Variants in CCT8 observed in about 807,000 individuals in gnomAD.
CCT8 encodes the protein T-complex protein 1 subunit theta.
CCT8 carries 10 observed loss-of-function variants against 65.7 expected under a neutral mutation model. The observed-to-expected ratio is 0.15, with a 90% CI of 0.09 to 0.26. The LOEUF (loss-of-function observed/expected upper bound fraction) is 0.26. Among genes scored for constraint, CCT8 ranks in the 10% least tolerant of loss-of-function variants. CCT8 has a pLI of 1.00. For synonymous variants in CCT8, 199 were observed against 221.8 expected, an observed-to-expected ratio of 0.90 and a Z score of 0.92; for missense variants, 568 against 669.1, an observed-to-expected ratio of 0.85 and a Z score of 1.67.
chr21:29,071,585 G>A (rs2085680879), intron 1 of CCT8, among the ~76,000 whole-genome samples: 1 of 151,840 alleles, frequency 6.6e-6, no homozygotes, highest in South Asian at 2.1e-4. Flanking sequence ...TTTGAGAGGC[G>A]GAGTTTCACC....
chr21:29,064,917 A>C (rs762175370), intron 7 of CCT8, 51 bp downstream of exon 7: 2 of 1,557,434 alleles, frequency 1.3e-6, no homozygotes, highest in Admixed American at 3.4e-5. Flanking sequence ...AACTCAAACA[A>C]TCTGAAAGTG....
chr21:29,068,933 C>A (rs1568915250), intron 3 of CCT8, among the ~76,000 whole-genome samples: 1 of 152,310 alleles, frequency 6.6e-6, no homozygotes, highest in East Asian at 1.9e-4. Context: ...GCTCTCTCTG[C>A]CTGTTCAGGT....
Position 29,061,480 on chromosome 21 carries a change from A to G in CCT8, c.1284+16T>C, listed in dbSNP as rs1485773859. 1 of 1,613,722 alleles carries G rather than the reference A, an allele frequency of 6.2e-7. No homozygotes were observed. The highest frequency in any genetic ancestry group is 8.5e-7 in the Non-Finnish European group (1 of 1,179,784). Reference sequence around the variant, plus strand: ...AGCAATGGAAAGAAAGTCAATTTATACAGAAAAAGCTGTACCTCTCCATAT... The same window carrying G: ...AGCAATGGAAAGAAAGTCAATTTATGCAGAAAAAGCTGTACCTCTCCATAT... On this transcript the variant is annotated intron_variant, in intron 12 of 14. Transcript: ENST00000286788.
intron 7 of CCT8, among the ~76,000 whole-genome samples, chr21:29,063,893 A>G (rs986153120): frequency 2.0e-5 from 3 of 152,134 alleles, no homozygotes; most frequent in Non-Finnish European, 2.9e-5. Flanking sequence ...CAGCCTCCCA[A>G]GTAGCTGGGA....
rs2085498095 is a variant in CCT8 at position 29,056,351 on chromosome 21, T to G, written c.*124A>C. ...TTTGACAGTAACAATATGTTTATTATAACATCCAGCCAAGAATACAAACAC... is the reference window on the plus strand; with the variant it reads ...TTTGACAGTAACAATATGTTTATTAGAACATCCAGCCAAGAATACAAACAC... On this transcript the variant is annotated 3_prime_UTR_variant, in exon 15 of 15. Coordinates refer to ENST00000286788, the MANE Select transcript of CCT8 (RefSeq NM_006585.4). 4.0e-6 allele frequency: 2 copies of G among 495,416 alleles called. No homozygotes were observed. The highest frequency in any genetic ancestry group is 6.9e-6 in the Non-Finnish European group (2 of 288,756). 30.7% of individuals were successfully genotyped at this position (495,416 alleles called of 1,614,324 possible).
chr21:29,067,332 T>TG (rs1009952621), intron 4 of CCT8, among the ~76,000 whole-genome samples: 4 of 151,962 alleles, frequency 2.6e-5, no homozygotes, highest in Admixed American at 2.6e-4. Context: ...TAAAATAAAG[T>TG]GGGAAAAAAA....
Position 29,062,486 on chromosome 21 carries a change from A to G in CCT8, c.1008+4T>C, listed in dbSNP as rs376145854. On this transcript the variant is annotated splice_donor_region_variant and intron_variant, in intron 9 of 14. Transcript: ENST00000286788. ...TATCTTTTAGTGTTTTCCAAAATAC[A>G]TACCAATCTAGGAAGAGCTGTAGCA... The G allele has an allele frequency of 1.2e-6, 2 of 1,613,614 alleles. No homozygotes were observed. The highest frequency in any genetic ancestry group is 1.3e-5 in the African/African-American group (1 of 75,068).
At chr21:29,064,048 C>T (rs565632909) in intron 7 of CCT8, among the ~76,000 whole-genome samples, 4 of 152,258 alleles carry the variant, frequency 2.6e-5, no homozygotes, top group East Asian at 3.9e-4. Flanking sequence ...CGTGAGATAC[C>T]GTGCCCGGCC....
rs1277424328 is a variant in CCT8 at position 29,061,271 on chromosome 21, GTTT to G, written c.1428_1430del (p.Lys476del). On this transcript the variant is annotated inframe_deletion, in exon 13 of 15. Coordinates refer to ENST00000286788, the MANE Select transcript of CCT8 (RefSeq NM_006585.4). The stretch of plus-strand genomic sequence containing the variant: ...CAAATACCTCAATATCTAATCCAAC[GTTT>G]TTATTTCCTTCTTGATGTACTGCAT... 5 of 1,613,142 alleles carry G rather than the reference GTTT, an allele frequency of 3.1e-6. No individual in the cohort carries two copies. Among genetic ancestry groups the G allele is most frequent in the Non-Finnish European group, 3.4e-6 (4 of 1,179,412 alleles).
At chr21:29,061,646 T>C in intron 11 of CCT8, 79 bp from the exon 12 acceptor site, 3 of 1,376,232 alleles carry the variant, frequency 2.2e-6, no homozygotes, top group Non-Finnish European at 2.1e-6. Context: ...TTTCTAATCT[T>C]TTCACATTCC....
intron 14 of CCT8, chr21:29,059,786 A>G (rs767394112): frequency 6.6e-6 from 1 of 152,188 alleles, no homozygotes; most frequent in African/African-American, 2.4e-5. Flanking sequence ...TAAATTTGTT[A>G]TAATTACCAC....
intron 4 of CCT8, 36 bp downstream of exon 4, chr21:29,067,520 A>T (rs1340477736): frequency 7.0e-7 from 1 of 1,423,432 alleles, no homozygotes; most frequent in African/African-American, 1.5e-5. Flanking sequence ...ATGTAAGCAA[A>T]AATTTAGTAG....
chr21:29,073,355 C>G, intron 1 of CCT8, 176 bp downstream of exon 1: 1 of 1,429,984 alleles, frequency 7.0e-7, no homozygotes, highest in East Asian at 2.5e-5. Context: ...GAGAAGTGCC[C>G]GCAGGCTCCG....
chr21:29,072,315 G>C (rs2085689916), intron 1 of CCT8: 1 of 191,354 alleles, frequency 5.2e-6, no homozygotes, highest in Non-Finnish European at 1.1e-5. Context: ...TAAACTCTAC[G>C]ACAAATGGGA....
intron 1 of CCT8, chr21:29,072,057 T>TA (rs758768704): frequency 5.9e-6 from 4 of 674,952 alleles, no homozygotes; most frequent in Non-Finnish European, 1.1e-5. Flanking sequence ...GTCTTTGTAC[T>TA]AGTTAGTCCC....
At chr21:29,067,517 C>T in intron 4 of CCT8, 39 bp downstream of exon 4, 2 of 1,420,862 alleles carry the variant, frequency 1.4e-6, no homozygotes, top group Non-Finnish European at 9.2e-7. Context: ...TATATGTAAG[C>T]AAAAATTTAG....
intron 8 of CCT8, chr21:29,062,998 T>C (rs1003034037): frequency 3.1e-6 from 1 of 326,516 alleles, no homozygotes; most frequent in South Asian, 4.4e-5. Context: ...TGGGTTAAGT[T>C]GTCTAGTGTG....
rs751063625 is a variant in CCT8, at chr21:29,066,875, A to C, written c.562+16T>G. 47 of 1,591,604 alleles carry C rather than the reference A, an allele frequency of 3.0e-5. No individual in the cohort carries two copies. Among genetic ancestry groups the C allele is most frequent in the Non-Finnish European group, 3.9e-5 (46 of 1,166,746 alleles). ...ATTTTTATTTTGGATCTTTTCATTT[A>C]CTGATATTTACTTACCGCATGCCTG... On this transcript the variant is annotated intron_variant, in intron 5 of 14. Coordinates refer to ENST00000286788, the MANE Select transcript of CCT8 (RefSeq NM_006585.4).
intron 7 of CCT8, among the ~76,000 whole-genome samples, chr21:29,064,534 T>G (rs1382706434): frequency 1.3e-5 from 2 of 151,752 alleles, no homozygotes; most frequent in African/African-American, 2.4e-5. Context: ...TCAAGAATTC[T>G]AGAGATGAAG....
Sources: gnomAD v4.1 joint callset for allele counts (sites outside exome capture counted in the v4.1 genomes callset) on GRCh38, gnomAD v4.1.1 for gene constraint, MANE v1.5 for transcripts, NCBI Gene and HGNC (gene_info 2026-07-23, HGNC 2026-07-21) for gene names.